The following AGAP2 variants were observed in gnomAD, a reference collection of about 807,000 sequenced individuals.
AGAP2 encodes the protein arf-GAP with GTPase, ANK repeat and PH domain-containing protein 2.
Under a neutral mutation model 110.9 loss-of-function variants are expected in AGAP2, and 32 were observed. The observed-to-expected ratio is 0.29, with a 90% CI of 0.22 to 0.39. The LOEUF is 0.39. Among genes scored for constraint, AGAP2 ranks in the 10% least tolerant of loss-of-function variants. The pLI, the probability that AGAP2 is intolerant of heterozygous loss-of-function variation, is 1.00. For synonymous variants in AGAP2, 702 were observed against 713.0 expected (o/e 0.98, Z 0.25); for missense variants, 1,285 against 1,638.5 (o/e 0.78, Z 3.72).
rs1174125255 is a variant in AGAP2, at chr12:57,738,099, C to T, written c.148G>A (p.Gly50Arg). 2 of 1,523,984 alleles carry T rather than the reference C, an allele frequency of 1.3e-6. No individual in the cohort carries two copies. Among genetic ancestry groups the T allele is most frequent in the East Asian group, 2.5e-5 (1 of 39,868 alleles). 94.4% of individuals were successfully genotyped at this position (1,523,984 alleles called of 1,614,324 possible). ...GCGCCTCGGGGGCTGCCAGGATCCC[C>T]AGTCTCGGAGCCTCTGGCACCGGCG... Reference protein sequence around the residue: ...GAAGARGSETGDPGSPRGAEE... With the variant: ...GAAGARGSETRDPGSPRGAEE... Residue 50 changes from glycine (G) to arginine (R), a missense_variant, in exon 1 of 19, where the codon GGG becomes AGG. Gly to Arg is a moderately radical substitution (Grantham distance 125, BLOSUM62 -2). This residue lies in a region of AGAP2 where 844 missense variants were observed against 941.2 expected (regional missense o/e 0.90). Transcript: ENST00000547588. This position sits in a 1 kb window ranked among gnomAD's most constrained non-coding sequence, Gnocchi z 6.7.
At chr12:57,731,318 T>C (rs1280283797) in intron 10 of AGAP2, 48 bp downstream of exon 10, 2 of 1,483,296 alleles carry the variant, frequency 1.3e-6, no homozygotes, top group Middle Eastern at 1.7e-4. Flanking sequence ...AGGTAGAACT[T>C]GAGGGAAATC....
chr12:57,732,019 A>T (rs1235872170), intron 7 of AGAP2, 52 bp from the exon 8 acceptor site: 2 of 1,582,574 alleles, frequency 1.3e-6, no homozygotes, highest in Non-Finnish European at 1.7e-6. Context: ...TACTCCACCA[A>T]GCTACACTCA....
At chr12:57,732,286 C>T in intron 7 of AGAP2, 117 bp downstream of exon 7, 1 of 977,348 alleles carries the variant, frequency 1.0e-6, no homozygotes. Context: ...GTTTCACTGC[C>T]ATTTCCATCT....
chr12:57,740,205 T>C (rs118184030), upstream of AGAP2, among the ~76,000 whole-genome samples: 3,061 of 144,080 alleles, frequency 0.021, 47 homozygotes, highest in Non-Finnish European at 0.033. Context: ...CTTGGCCTGG[T>C]GGGGGGCTGA....
At chr12:57,732,801 C>T in intron 6 of AGAP2, 44 bp downstream of exon 6, 2 of 1,611,656 alleles carry the variant, frequency 1.2e-6, no homozygotes, top group African/African-American at 1.3e-5. Flanking sequence ...ATCCCAGGCC[C>T]CTTGCTCTGG....
upstream of AGAP2, chr12:57,742,130 C>T: frequency 1.3e-6 from 2 of 1,575,330 alleles, no homozygotes; most frequent in Non-Finnish European, 1.7e-6. Flanking sequence ...GCCCATGGCC[C>T]TACAGCCCCC....
At chr12:57,741,777 A>C, upstream of AGAP2, 1 of 1,030,150 alleles carries the variant, frequency 9.7e-7, no homozygotes, top group Non-Finnish European at 1.4e-6. Flanking sequence ...ATCCTCCCTA[A>C]ATGTATTCTT....
intron 1 of AGAP2, among the ~76,000 whole-genome samples, chr12:57,735,735 G>T (rs1466359494): frequency 6.6e-6 from 1 of 152,218 alleles, no homozygotes; most frequent in Non-Finnish European, 1.5e-5. Context: ...GGAGACCAGG[G>T]CTCTGACAGT....
At chr12:57,732,727 C>T in intron 6 of AGAP2, 118 bp downstream of exon 6, 1 of 1,522,500 alleles carries the variant, frequency 6.6e-7, no homozygotes, top group Non-Finnish European at 8.9e-7. Flanking sequence ...TCTCTCCTCC[C>T]TCCCACAAAG....
chr12:57,738,522 C>A lies in AGAP2; in HGVS notation c.-276G>T, dbSNP rs1313953649. ...CTCCAGGGAGGCGCGCCGGACCGTCCACCCCGGCCTGGGTGGGGGCGCTGA... is the reference window on the plus strand; with the variant it reads ...CTCCAGGGAGGCGCGCCGGACCGTCAACCCCGGCCTGGGTGGGGGCGCTGA... On this transcript the variant is annotated 5_prime_UTR_variant, in exon 1 of 19. Coordinates refer to ENST00000547588, the MANE Select transcript of AGAP2 (RefSeq NM_001122772.3). This position sits in a 1 kb window ranked among gnomAD's most constrained non-coding sequence, Gnocchi z 6.7. Among the ~76,000 whole-genome samples the A allele has an allele frequency of 6.6e-6, 1 of 151,816 alleles. No individual in the cohort carries two copies. The highest frequency in any genetic ancestry group is 2.4e-5 in the African/African-American group (1 of 41,350).
Position 57,732,489 on chromosome 12 carries a change from G to C in AGAP2, c.1708C>G (p.Arg570Gly). The C allele has an allele frequency of 1.9e-6, 3 of 1,590,840 alleles. No individual in the cohort carries two copies. The highest frequency in any genetic ancestry group is 2.6e-6 in the Non-Finnish European group (3 of 1,167,858). Residue 570 changes from arginine to glycine, a missense_variant, in exon 7 of 19, where the codon CGC becomes GGC. Physicochemically the swap from Arg to Gly is moderately radical, Grantham distance 125. Coordinates refer to ENST00000547588, the MANE Select transcript of AGAP2 (RefSeq NM_001122772.3). ...QEVAQKVVTL[R>G]KQQQLLAACK... ...GCAGCCAGAAGCTGTTGCTGCTTGC[G>C]CAAGGTCACCACCTTCTGGGCCACT...
At position 57,728,387 on chromosome 12, in the gene AGAP2, C is replaced by T; in HGVS notation, c.2558-10G>A. 2 of 1,613,564 alleles carry T rather than the reference C, an allele frequency of 1.2e-6. No homozygotes were observed. Among genetic ancestry groups the T allele is most frequent in the African/African-American group, 1.3e-5 (1 of 74,978 alleles). On this transcript the variant is annotated splice_polypyrimidine_tract_variant and intron_variant, in intron 13 of 18. Coordinates refer to ENST00000547588, the MANE Select transcript of AGAP2 (RefSeq NM_001122772.3). ...CACATTTTGCGCTTGGCTGGTTTCC[C>T]GAAGCGAAGGAGATAGAGATAGAAT...
At chr12:57,739,334 T>C (rs1955048365), upstream of AGAP2, among the ~76,000 whole-genome samples, 1 of 152,170 alleles carries the variant, frequency 6.6e-6, no homozygotes, top group Non-Finnish European at 1.5e-5. Flanking sequence ...CCCAGGTACC[T>C]GGACGGTTCC....
At chr12:57,732,362 A>G in intron 7 of AGAP2, 41 bp downstream of exon 7, 1 of 1,536,660 alleles carries the variant, frequency 6.5e-7, no homozygotes, top group East Asian at 2.4e-5. Flanking sequence ...GCCCCTCTGC[A>G]TCTTACCGGC....
At chr12:57,742,020 G>A (rs760716939), upstream of AGAP2, 14 of 1,613,984 alleles carry the variant, frequency 8.7e-6, no homozygotes, top group South Asian at 2.2e-5. Context: ...ACCTCATGTC[G>A]TCTGACTTCT....
rs1330121592 is a variant in AGAP2, at chr12:57,738,291, G to A, written c.-45C>T. The A allele has an allele frequency of 4.1e-6, 6 of 1,449,832 alleles. No individual in the cohort carries two copies. Among genetic ancestry groups the A allele is most frequent in the African/African-American group, 1.5e-5 (1 of 66,938 alleles). 89.8% of individuals were successfully genotyped at this position (1,449,832 alleles called of 1,614,324 possible). A position where few individuals can be genotyped will look rare whatever the true frequency, so the allele number is the denominator to read the frequency against. ...GCTGGGGAGGGGAGGGGACTCCCCC[G>A]GACTGCCTCAGGGGGGCCCGGCCAT... On this transcript the variant is annotated 5_prime_UTR_variant, in exon 1 of 19. Coordinates refer to ENST00000547588, the MANE Select transcript of AGAP2 (RefSeq NM_001122772.3). The surrounding 1 kb of genome is among the most constrained non-coding windows in gnomAD (Gnocchi z 6.7).
chr12:57,737,168 G>A lies in AGAP2; in HGVS notation c.1079C>T (p.Pro360Leu). Residue 360 changes from proline to leucine, a missense_variant, in exon 1 of 19, where the codon CCT (proline) becomes CTT (leucine). Transcript: ENST00000547588. The surrounding 1 kb of genome is among the most constrained non-coding windows in gnomAD (Gnocchi z 5.9). ...GGGTCCGGGAAGGGGCCCGGAGCCA[G>A]GAGGCCCTCCTGTGCTCTTGGTGAA... Reference protein sequence around the residue: ...GIFTKSTGGPPGSGPLPGPPS... With the variant: ...GIFTKSTGGPLGSGPLPGPPS... 6.3e-7 allele frequency: 1 copy of A among 1,581,440 alleles called. No individual in the cohort carries two copies. The highest frequency in any genetic ancestry group is 8.6e-7 in the Non-Finnish European group (1 of 1,164,052).
Position 57,734,062 on chromosome 12 carries a change from G to A in AGAP2, c.1513C>T (p.Arg505Ter), listed in dbSNP as rs1485087775. 6.2e-7 allele frequency: 1 copy of A among 1,610,818 alleles called. No individual in the cohort carries two copies. Among genetic ancestry groups the A allele is most frequent in the Non-Finnish European group, 8.5e-7 (1 of 1,178,314 alleles). The change falls in exon 5 of 19, where the codon CGA becomes TGA. Residue 505 changes from arginine to a stop codon, truncating the protein, a stop_gained. Transcript: ENST00000547588. LOFTEE classifies it high-confidence loss of function. ...GQLSSLRGEG[R>*]GGLALALVGT... ...ACCAGTGCCAAGGCCAGGCCTCCTC[G>A]TCCCTCCCCGCGAAGGGAACTCAGC...
chr12:57,739,131 C>A (rs1461669584), upstream of AGAP2, among the ~76,000 whole-genome samples: 2 of 152,076 alleles, frequency 1.3e-5, no homozygotes, highest in African/African-American at 2.4e-5. Context: ...AACCTAGCCC[C>A]CTCCTCTCGC....
Sources: allele counts gnomAD v4.1 joint callset (sites outside exome capture counted in the v4.1 genomes callset), GRCh38; gene constraint gnomAD v4.1.1; regional missense constraint gnomAD v4.1.1; non-coding constraint Gnocchi (gnomAD v3.1); transcripts MANE v1.5; gene names NCBI Gene and HGNC (gene_info 2026-07-23, HGNC 2026-07-21).